The following ADAMTS9 variants were observed in gnomAD, a reference collection of about 807,000 sequenced individuals.
The protein encoded by ADAMTS9 is ADAM metallopeptidase with thrombospondin type 1 motif 9, also known as A disintegrin and metalloproteinase with thrombospondin motifs 9.
In ADAMTS9, 107 loss-of-function variants were observed where a neutral mutation model predicts 257.1. The observed-to-expected ratio is 0.42, with a 90% confidence interval of 0.36 to 0.49. The LOEUF (loss-of-function observed/expected upper bound fraction) is 0.49, where lower values mean the gene tolerates loss of function less well. Among genes scored for constraint, ADAMTS9 ranks in the 20% least tolerant of loss-of-function variants. The pLI, the probability that ADAMTS9 is intolerant of heterozygous loss-of-function variation, is 0.03. For synonymous variants in ADAMTS9, 982 were observed against 880.9 expected (o/e 1.11, Z -2.03); for missense variants, 2,353 against 2,469.1 (o/e 0.95, Z 1.00).
intron 16 of ADAMTS9, among the ~76,000 whole-genome samples, chr3:64,624,117 CA>C (rs1304829500): frequency 3.3e-5 from 5 of 150,906 alleles, no homozygotes; most frequent in African/African-American, 1.2e-4. Context: ...TTCAGTTAAG[CA>C]AGATGAATAC....
At chr3:64,595,831 A>C (rs980434455) in intron 27 of ADAMTS9, among the ~76,000 whole-genome samples, 3 of 152,094 alleles carry the variant, frequency 2.0e-5, no homozygotes, top group African/African-American at 7.2e-5. Context: ...CCAAAGTGTT[A>C]TTTCTCGTGT....
At chr3:64,587,087 GTTTGT>G (rs1021726506) in intron 28 of ADAMTS9, 10 of 152,186 alleles carry the variant, frequency 6.6e-5, no homozygotes, top group African/African-American at 2.2e-4. Context: ...ACAGAGGAGA[GTTTGT>G]TTTAACAGCT....
intron 29 of ADAMTS9, 73 bp downstream of exon 29, chr3:64,568,295 C>T: frequency 6.6e-7 from 1 of 1,517,536 alleles, no homozygotes; most frequent in African/African-American, 1.4e-5. Flanking sequence ...CATAGAAACA[C>T]AAGTGAACAC....
chr3:64,560,738 C>T (rs991452047), intron 30 of ADAMTS9, among the ~76,000 whole-genome samples: 2 of 152,124 alleles, frequency 1.3e-5, no homozygotes, highest in African/African-American at 4.8e-5. Context: ...AAACCATACC[C>T]TTTCTTTATG....
chr3:64,621,139 G>T lies in ADAMTS9; in HGVS notation c.2788C>A (p.Pro930Thr), dbSNP rs773352876. 4 of 1,613,630 alleles carry T rather than the reference G, an allele frequency of 2.5e-6. No individual in the cohort carries two copies. Among genetic ancestry groups the T allele is most frequent in the East Asian group, 2.2e-5 (1 of 44,836 alleles). The change falls in exon 19 of 40, where the codon CCC becomes ACC. Residue 930 changes from proline to threonine, a missense_variant. Physicochemically the swap from Pro to Thr is conservative, Grantham distance 38. This residue lies in a region of ADAMTS9 where 1,402 missense variants were observed against 1,441.4 expected (regional missense o/e 0.97). Coordinates refer to ENST00000498707, the MANE Select transcript of ADAMTS9 (RefSeq NM_182920.2). ...CTCAGGTCACAGTCTGTACCACAGG[G>T]TTCAGTAATGTGTCCAGGCTGGGGC... The part of the protein sequence containing the change: ...RLPQPGHITE[P>T]CGTDCDLRWH...
At position 64,687,337 on chromosome 3, in the gene ADAMTS9, G is replaced by A. The variant is rs1036684287; in HGVS notation, c.115+206C>T. On this transcript the variant is annotated intron_variant, in intron 1 of 39. Coordinates refer to ENST00000498707, the MANE Select transcript of ADAMTS9 (RefSeq NM_182920.2). This position sits in a 1 kb window ranked among gnomAD's most constrained non-coding sequence, Gnocchi z 4.4. The stretch of plus-strand genomic sequence containing the variant: ...GATATATCTGGCAACAGCAAGGTAG[G>A]GGGGGGTTGCCTAAATTCGTTTCCA... Among the ~76,000 whole-genome samples, 2 of 150,494 alleles carry A rather than the reference G, an allele frequency of 1.3e-5. No individual in the cohort carries two copies. Among genetic ancestry groups the A allele is most frequent in the Non-Finnish European group, 2.9e-5 (2 of 67,984 alleles).
Position 64,633,594 on chromosome 3 carries a change from G to A in ADAMTS9, c.2053C>T (p.Arg685Trp), listed in dbSNP as rs144320157. 9.9e-6 allele frequency: 16 copies of A among 1,613,912 alleles called. No homozygotes were observed. Among genetic ancestry groups the A allele is most frequent in the South Asian group, 3.3e-5 (3 of 91,086 alleles). Residue 685 changes from arginine to tryptophan, a missense_variant, in exon 14 of 40, where the codon CGG (arginine) becomes TGG (tryptophan). This residue lies in a region of ADAMTS9 where 360 missense variants were observed against 458.1 expected (regional missense o/e 0.79). Transcript: ENST00000498707. ...GCCACTCTGCAGAACAACTTGCACC[G>A]GTCCTTCATCAGAACTAGAGAGGAG... The part of the protein sequence containing the change: ...PKYSGILMKD[R>W]CKLFCRVAGN...
At chr3:64,642,528 T>C (rs1473936426) in intron 11 of ADAMTS9, among the ~76,000 whole-genome samples, 1 of 152,112 alleles carries the variant, frequency 6.6e-6, no homozygotes, top group Non-Finnish European at 1.5e-5. Flanking sequence ...ACGGACACAC[T>C]ACAGAGAGCC....
At position 64,651,183 on chromosome 3, in the gene ADAMTS9, G is replaced by C. The variant is rs568049947; in HGVS notation, c.1317-20C>G. The C allele has an allele frequency of 1.3e-6, 2 of 1,549,842 alleles. No homozygotes were observed. Among genetic ancestry groups the C allele is most frequent in the Non-Finnish European group, 1.7e-6 (2 of 1,155,396 alleles). ...TTAAACCTAAAGCCAATGAGACAAT[G>C]ATGAGAATGTCAATAAACACCAAGG... is the stretch of plus-strand genomic sequence containing the variant. On this transcript the variant is annotated intron_variant, in intron 8 of 39. Transcript: ENST00000498707.
At chr3:64,543,761 T>C (rs552906404) in intron 32 of ADAMTS9, among the ~76,000 whole-genome samples, 2 of 152,358 alleles carry the variant, frequency 1.3e-5, no homozygotes, top group African/African-American at 4.8e-5. Context: ...TTGGAAGTTC[T>C]GGCCAGGGCA....
chr3:64,591,418 C>T (rs1168539492), intron 28 of ADAMTS9, among the ~76,000 whole-genome samples: 1 of 150,548 alleles, frequency 6.6e-6, no homozygotes, highest in African/African-American at 2.5e-5. Flanking sequence ...CCAGCCTGGG[C>T]AACAGAGCAA....
intron 3 of ADAMTS9, among the ~76,000 whole-genome samples, chr3:64,662,389 A>G (rs1409518192): frequency 6.6e-6 from 1 of 152,106 alleles, no homozygotes; most frequent in Non-Finnish European, 1.5e-5. Context: ...TTGTGGGGTA[A>G]CGTGTCCAAT....
Position 64,541,645 on chromosome 3 carries a change from T to C in ADAMTS9, c.5198-25A>G, listed in dbSNP as rs1373163. Reference sequence around the variant, plus strand: ...CCTAGAAAACACCAATCACAAAAAATAGGGTGTGATGATCCGAGATGTGAA... The same window carrying C: ...CCTAGAAAACACCAATCACAAAAAACAGGGTGTGATGATCCGAGATGTGAA... On this transcript the variant is annotated intron_variant, in intron 33 of 39. Transcript: ENST00000498707. 0.79 allele frequency: 1,263,382 copies of C among 1,598,228 alleles called. 519,998 individuals carry two copies. Among genetic ancestry groups the C allele is most frequent in the Non-Finnish European group, 0.86 (999,390 of 1,166,058 alleles).
At chr3:64,668,586 G>A (rs756933656) in intron 3 of ADAMTS9, among the ~76,000 whole-genome samples, 9 of 152,186 alleles carry the variant, frequency 5.9e-5, no homozygotes, top group Non-Finnish European at 2.9e-5. Flanking sequence ...ATGCCTAATA[G>A]GGCAGTAGGG....
chr3:64,573,109 A>T (rs1294798582), intron 28 of ADAMTS9, among the ~76,000 whole-genome samples: 2 of 97,422 alleles, frequency 2.1e-5, no homozygotes, highest in Admixed American at 1.7e-4. Flanking sequence ...ATGGAAAAAG[A>T]AAAAAAGAAA....
At chr3:64,621,275 A>G (rs540550236) in intron 18 of ADAMTS9, 35 bp from the exon 19 acceptor site, 1 of 1,589,174 alleles carries the variant, frequency 6.3e-7, no homozygotes, top group Non-Finnish European at 8.6e-7. Context: ...ATTCAGGGAA[A>G]ATAATCTATT....
chr3:64,645,857 C>T (rs965754425), intron 11 of ADAMTS9, among the ~76,000 whole-genome samples: 5 of 152,288 alleles, frequency 3.3e-5, no homozygotes, highest in African/African-American at 4.8e-5. Context: ...AAAGCTCTCC[C>T]GAAGCTCCCC....
chr3:64,672,508 C>T (rs1701517776), intron 3 of ADAMTS9, among the ~76,000 whole-genome samples: 1 of 152,120 alleles, frequency 6.6e-6, no homozygotes, highest in Non-Finnish European at 1.5e-5. Context: ...CATGGCAAAA[C>T]CCTGTCTCTA....
intron 3 of ADAMTS9, among the ~76,000 whole-genome samples, chr3:64,666,117 C>G (rs1404533015): frequency 1.3e-5 from 2 of 152,110 alleles, no homozygotes; most frequent in Admixed American, 6.6e-5. Flanking sequence ...CAGCAAAAAA[C>G]TTTAACATCT....
Sources: allele counts gnomAD v4.1 joint callset (sites outside exome capture counted in the v4.1 genomes callset), GRCh38; gene constraint gnomAD v4.1.1; regional missense constraint gnomAD v4.1.1; non-coding constraint Gnocchi (gnomAD v3.1); transcripts MANE v1.5; gene names NCBI Gene and HGNC (gene_info 2026-07-23, HGNC 2026-07-21).